The following GPA33 variants were observed in gnomAD, a reference collection of about 807,000 sequenced individuals.
GPA33 encodes cell surface A33 antigen.
GPA33 carries 27 observed loss-of-function variants against 35.6 expected under a neutral mutation model. The observed-to-expected ratio is 0.76, with a 90% CI of 0.56 to 1.04. The LOEUF is 1.04. Among genes scored for constraint, GPA33 ranks in the 50% least tolerant of loss-of-function variants. GPA33 has a pLI of 0.00. For synonymous variants in GPA33, 176 were observed against 164.0 expected, an observed-to-expected ratio of 1.07 and a Z score of -0.56; for missense variants, 428 against 411.9, an observed-to-expected ratio of 1.04 and a Z score of -0.34.
rs1180500482 is a variant in GPA33, at chr1:167,054,420, A to G, written c.874T>C (p.Ser292Pro). 1 of 1,613,984 alleles carries G rather than the reference A, an allele frequency of 6.2e-7. No individual in the cohort carries two copies. ...TCATCCTCCTCCTCCCTCTCTCTGG[A>G]AAGTTCTCTTAGCTGCTCTGGTGGC... Reference protein sequence around the residue: ...EEPPEQLRELSREREEEDDYR... With the variant: ...EEPPEQLRELPREREEEDDYR... Residue 292 changes from serine (S) to proline (P), a missense_variant, in exon 7 of 7, where the codon TCC becomes CCC. Ser to Pro is a moderately conservative substitution (Grantham distance 74). Coordinates refer to ENST00000367868, the MANE Select transcript of GPA33 (RefSeq NM_005814.3).
intron 1 of GPA33, among the ~76,000 whole-genome samples, chr1:167,089,612 C>G (rs1667117566): frequency 6.6e-6 from 1 of 152,164 alleles, no homozygotes. Context: ...GATGTGGATT[C>G]AACCATATAC....
chr1:167,054,076 T>C lies in GPA33; in HGVS notation c.*258A>G. 1 of 502,204 alleles carries C rather than the reference T, an allele frequency of 2.0e-6. No individual in the cohort carries two copies. 31.1% of individuals were successfully genotyped at this position (502,204 alleles called of 1,614,324 possible). On this transcript the variant is annotated 3_prime_UTR_variant, in exon 7 of 7. Transcript: ENST00000367868. ...GGGAAGTGGAGGCTGCAGCCTGGTCTTGAGTGAGGGCCAGGCCCGCACCAG... is the reference window on the plus strand; with the variant it reads ...GGGAAGTGGAGGCTGCAGCCTGGTCCTGAGTGAGGGCCAGGCCCGCACCAG...
intron 3 of GPA33, 76 bp from the exon 4 acceptor site, chr1:167,063,813 A>T: frequency 1.1e-6 from 1 of 874,816 alleles, no homozygotes; most frequent in African/African-American, 3.2e-5. Context: ...CTCCCCACCC[A>T]CCCCCCACAC....
At chr1:167,083,617 C>A (rs1666997221) in intron 1 of GPA33, among the ~76,000 whole-genome samples, 1 of 152,182 alleles carries the variant, frequency 6.6e-6, no homozygotes, top group African/African-American at 2.4e-5. Flanking sequence ...AAATGTAAAA[C>A]CACCATAGTA....
chr1:167,056,695 T>A (rs1571302156), intron 4 of GPA33, among the ~76,000 whole-genome samples: 7 of 71,250 alleles, frequency 9.8e-5, no homozygotes, highest in South Asian at 4.9e-4. Context: ...GTGTGGTGGG[T>A]GTGTGGTGTG....
intron 2 of GPA33, among the ~76,000 whole-genome samples, chr1:167,071,852 G>T (rs940712514): frequency 2.0e-5 from 3 of 152,056 alleles, no homozygotes; most frequent in African/African-American, 7.2e-5. Flanking sequence ...ACTCTTGCAG[G>T]GTCTCAAGGC....
chr1:167,056,682 G>GTGTT (rs1195216994), intron 4 of GPA33, among the ~76,000 whole-genome samples: 9 of 81,928 alleles, frequency 1.1e-4, no homozygotes, highest in Non-Finnish European at 1.4e-4. Flanking sequence ...TGATGTGTCT[G>GTGTT]GTGTGTGGTG....
intron 4 of GPA33, among the ~76,000 whole-genome samples, chr1:167,056,711 T>TATGTGTG (rs1558001901): frequency 0.095 from 137 of 1,444 alleles, no homozygotes; most frequent in Non-Finnish European, 0.11. Context: ...GTGTGTGTAG[T>TATGTGTG]GTGTGTGTAG....
intron 3 of GPA33, 82 bp from the exon 4 acceptor site, chr1:167,063,819 C>G (rs561227055): frequency 1.9e-6 from 2 of 1,028,584 alleles, no homozygotes; most frequent in South Asian, 2.7e-5. Context: ...ACCCACCCCC[C>G]ACACACATAT....
intron 1 of GPA33, among the ~76,000 whole-genome samples, chr1:167,077,188 A>G (rs2102196118): frequency 6.6e-6 from 1 of 152,066 alleles, no homozygotes; most frequent in Non-Finnish European, 1.5e-5. Flanking sequence ...CCTGGGCAAC[A>G]GAGCAAGACT....
chr1:167,081,433 C>T (rs1352472029), intron 1 of GPA33, among the ~76,000 whole-genome samples: 1 of 152,154 alleles, frequency 6.6e-6, no homozygotes, highest in East Asian at 1.9e-4. Flanking sequence ...TTTGTCCTTC[C>T]TCTATGGGCA....
intron 1 of GPA33, among the ~76,000 whole-genome samples, chr1:167,083,228 C>T (rs1178218812): frequency 2.6e-5 from 4 of 152,208 alleles, no homozygotes; most frequent in African/African-American, 9.7e-5. Flanking sequence ...GTGGAGTAAT[C>T]CATCTCCCTA....
chr1:167,058,361 T>C (rs1666360100), intron 4 of GPA33: 1 of 152,184 alleles, frequency 6.6e-6, no homozygotes, highest in African/African-American at 2.4e-5. Flanking sequence ...GTCCCTGTCC[T>C]CTTGGTGTTT....
rs770028927 is a variant in GPA33, at chr1:167,090,233, G to A, written c.43+12C>T. The stretch of plus-strand genomic sequence containing the variant: ...CACCCCTGGGCACTGGAGAGAAAAG[G>A]GGCCTACTCACCTGCACAGAGTGTC... On this transcript the variant is annotated intron_variant, in intron 1 of 6. Coordinates refer to ENST00000367868, the MANE Select transcript of GPA33 (RefSeq NM_005814.3). 3 of 1,605,678 alleles carry A rather than the reference G, an allele frequency of 1.9e-6. No individual in the cohort carries two copies. The highest frequency in any genetic ancestry group is 2.6e-6 in the Non-Finnish European group (3 of 1,172,314).
chr1:167,066,486 C>T (rs1666594774), intron 3 of GPA33, among the ~76,000 whole-genome samples: 1 of 152,180 alleles, frequency 6.6e-6, no homozygotes, highest in Non-Finnish European at 1.5e-5. Flanking sequence ...GCCCCTAAAC[C>T]CTCTGGCCTC....
At chr1:167,077,145 G>A (rs892895567) in intron 1 of GPA33, among the ~76,000 whole-genome samples, 3 of 151,912 alleles carry the variant, frequency 2.0e-5, no homozygotes, top group Non-Finnish European at 4.4e-5. Context: ...GGTAGAGGCT[G>A]CAGTGAGCTG....
chr1:167,056,579 T>TGTGA, intron 4 of GPA33, among the ~76,000 whole-genome samples: 2 of 2,038 alleles, frequency 9.8e-4, no homozygotes, highest in Non-Finnish European at 3.6e-3. Flanking sequence ...GTGTGTGGCA[T>TGTGA]ATGTGTGGTA....
chr1:167,056,712 G>GTGA (rs1558001905), intron 4 of GPA33, among the ~76,000 whole-genome samples: 71 of 1,266 alleles, frequency 0.056, no homozygotes, highest in Admixed American at 0.078. Flanking sequence ...TGTGTGTAGT[G>GTGA]TGTGTGTAGT....
intron 4 of GPA33, chr1:167,058,311 T>C (rs1465508621): frequency 1.3e-5 from 2 of 152,116 alleles, no homozygotes; most frequent in South Asian, 2.1e-4. Flanking sequence ...ATACAGAAAA[T>C]CTTTAGCTGC....
Sources: gnomAD v4.1 joint callset for allele counts (sites outside exome capture counted in the v4.1 genomes callset) on GRCh38, gnomAD v4.1.1 for gene constraint, MANE v1.5 for transcripts, NCBI Gene and HGNC (gene_info 2026-07-23, HGNC 2026-07-21) for gene names.